Variants in LPIN2 observed in about 807,000 individuals in gnomAD.
The protein encoded by LPIN2 is lipin 2.
In LPIN2, 55 loss-of-function variants were observed where a neutral mutation model predicts 111.4. The ratio of observed to expected loss-of-function variants is 0.49; its 90% CI spans 0.40 to 0.62. The LOEUF (loss-of-function observed/expected upper bound fraction) is 0.62, where lower values mean the gene tolerates loss of function less well. LPIN2 is among the 20% of genes least tolerant of loss of function. LPIN2 has a pLI of 0.00. For missense variants in LPIN2, 992 were observed against 1,112.1 expected (o/e 0.89, Z 1.54); for synonymous variants, 425 against 414.0 (o/e 1.03, Z -0.32).
chr18:2,959,935 G>A (rs911874107), intron 2 of LPIN2, among the ~76,000 whole-genome samples: 3 of 152,146 alleles, frequency 2.0e-5, no homozygotes, highest in East Asian at 1.9e-4. Flanking sequence ...GGCCGAGGCC[G>A]AAGCCGGTGG....
intron 1 of LPIN2, chr18:2,966,878 A>C (rs1335553823): frequency 6.6e-6 from 1 of 152,200 alleles, no homozygotes; most frequent in Non-Finnish European, 1.5e-5. Context: ...ATGCCATTGC[A>C]GCTAACTTTC....
intron 1 of LPIN2, among the ~76,000 whole-genome samples, chr18:3,004,597 CA>C (rs909537570): frequency 2.0e-5 from 3 of 152,174 alleles, no homozygotes; most frequent in Admixed American, 6.5e-5. Flanking sequence ...TACACTTACT[CA>C]AATCAGGAAC....
chr18:2,928,816 A>AC (rs2077173347), intron 10 of LPIN2, among the ~76,000 whole-genome samples, 156 bp from the exon 11 acceptor site: 1 of 152,136 alleles, frequency 6.6e-6, no homozygotes, highest in South Asian at 2.1e-4. Context: ...CACATGAATA[A>AC]CCTTCGCTTC....
At chr18:2,928,444 C>T (rs1463096577) in intron 11 of LPIN2, 147 bp downstream of exon 11, 1 of 789,566 alleles carries the variant, frequency 1.3e-6, no homozygotes, top group Non-Finnish European at 2.2e-6. Flanking sequence ...TTAGTGGGTA[C>T]ATATGACTTT....
At position 2,920,372 on chromosome 18, in the gene LPIN2, G is replaced by C; in HGVS notation, c.2612C>G (p.Ala871Gly). ...FPLLSKEQNS[A>G]FPCPEFSSFC... ...GGAGCTGAACTCCGGGCAGGGAAAA[G>C]CGGAATTCTGCTCCTTACTGAGAAG... The change falls in exon 20 of 20, where the codon GCT (alanine) becomes GGT (glycine). Residue 871 changes from alanine to glycine, a missense_variant. Coordinates refer to ENST00000677752, the MANE Select transcript of LPIN2 (RefSeq NM_001375808.2). The C allele has an allele frequency of 1.2e-6, 2 of 1,614,092 alleles. No homozygotes were observed. The highest frequency in any genetic ancestry group is 2.7e-5 in the African/African-American group (2 of 75,058).
chr18:2,924,136 T>C (rs2077096365), intron 15 of LPIN2, among the ~76,000 whole-genome samples: 1 of 152,200 alleles, frequency 6.6e-6, no homozygotes, highest in South Asian at 2.1e-4. Context: ...GTCAAGGGGC[T>C]TGTTTTCATA....
In LPIN2 at chr18:2,924,392, G is replaced by C. The variant is rs757282199; in HGVS notation, c.2087+6C>G. The C allele has an allele frequency of 6.2e-7, 1 of 1,614,078 alleles. No homozygotes were observed. Among genetic ancestry groups the C allele is most frequent in the South Asian group, 1.1e-5 (1 of 91,082 alleles). ...CCTTGCCACCCACCTGAAGGATTGA[G>C]CTTACTTGGTTATTGTCCCATCAAT... On this transcript the variant is annotated splice_donor_region_variant and intron_variant, in intron 15 of 19. Coordinates refer to ENST00000677752, the MANE Select transcript of LPIN2 (RefSeq NM_001375808.2).
chr18:2,926,334 C>T (rs535713951), intron 13 of LPIN2, among the ~76,000 whole-genome samples: 1 of 152,114 alleles, frequency 6.6e-6, no homozygotes, highest in Admixed American at 6.5e-5. Flanking sequence ...GGCTGCTCAC[C>T]CTAACTGTCC....
intron 1 of LPIN2, among the ~76,000 whole-genome samples, chr18:2,971,410 G>GAGTC (rs1468977774): frequency 6.6e-6 from 1 of 151,710 alleles, no homozygotes; most frequent in Admixed American, 6.6e-5. Flanking sequence ...CTGTTGCTGT[G>GAGTC]AGTGCCCAAG....
chr18:2,951,067 G>A lies in LPIN2; in HGVS notation c.578C>T (p.Ala193Val), dbSNP rs1290039087. 2 of 1,614,084 alleles carry A rather than the reference G, an allele frequency of 1.2e-6. No homozygotes were observed. Among genetic ancestry groups the A allele is most frequent in the Non-Finnish European group, 1.7e-6 (2 of 1,180,012 alleles). ...CTGAGAGTCCTACCGTGCTGCCTGG[G>A]CCCCCTTGTCATCATCGGAGCTCAC... ...VGVSSDDDKG[A>V]QAARGSSNAS... is the part of the protein sequence containing the mutation. The change falls in exon 4 of 20, where the codon GCC becomes GTC. Residue 193 changes from alanine to valine, a missense_variant. Ala to Val is a moderately conservative substitution (Grantham distance 64). This residue lies in a region of LPIN2 where 709 missense variants were observed against 753.2 expected (regional missense o/e 0.94). Coordinates refer to ENST00000677752, the MANE Select transcript of LPIN2 (RefSeq NM_001375808.2).
Position 2,917,142 on chromosome 18 carries a change from A to G in LPIN2, c.*3151T>C, listed in dbSNP as rs1205621224. ...TGATGTTTACAATTAACTTTGGACA[A>G]CTTAAAACTTATTAGTGACATTGCT... On this transcript the variant is annotated 3_prime_UTR_variant, in exon 20 of 20. Transcript: ENST00000677752. 6.6e-6 allele frequency: 1 copy of G among 152,236 alleles called. No individual in the cohort carries two copies. The highest frequency in any genetic ancestry group is 2.4e-5 in the African/African-American group (1 of 41,456). The allele number at this position is 152,236 out of a possible 1,614,324, so 9.4% of individuals were successfully genotyped here.
At chr18:2,983,425 A>G (rs1270604754) in intron 1 of LPIN2, among the ~76,000 whole-genome samples, 1 of 152,240 alleles carries the variant, frequency 6.6e-6, no homozygotes, top group East Asian at 1.9e-4. Flanking sequence ...CATTCCTGGT[A>G]TTTCCTTGGC....
At position 2,920,220 on chromosome 18, in the gene LPIN2, A is replaced by G. The variant is rs1404526843; in HGVS notation, c.*73T>C. 2 of 1,596,086 alleles carry G rather than the reference A, an allele frequency of 1.3e-6. No homozygotes were observed. Among genetic ancestry groups the G allele is most frequent in the Non-Finnish European group, 8.6e-7 (1 of 1,165,402 alleles). On this transcript the variant is annotated 3_prime_UTR_variant, in exon 20 of 20. Transcript: ENST00000677752. ...CTGGGGAAGGCTGGTATCTGAGGTC[A>G]GCAGAAGAGCCAGCTGCCTTCCCTT...
At position 2,997,309 on chromosome 18, in the gene LPIN2, T is replaced by C. The variant is rs1471706462; in HGVS notation, c.-10+15778A>G. Among the ~76,000 whole-genome samples, 5 of 152,016 alleles carry C rather than the reference T, an allele frequency of 3.3e-5. No homozygotes were observed. The South Asian group carries it at 8.3e-4, about 25-fold the overall frequency. ...ATTTTTGTTTTTTGTTTTTTTTTAG[T>C]AGAGATGGGGTTTTACTCTGTTGGC... On this transcript the variant is annotated intron_variant, in intron 1 of 19. Coordinates refer to ENST00000677752, the MANE Select transcript of LPIN2 (RefSeq NM_001375808.2).
intron 1 of LPIN2, among the ~76,000 whole-genome samples, chr18:3,008,909 G>C (rs2078559332): frequency 6.9e-6 from 1 of 144,886 alleles, no homozygotes; most frequent in African/African-American, 2.7e-5. Flanking sequence ...GGAGAGACAG[G>C]GTCTTGCCAT....
At chr18:2,958,692 T>C (rs1006529698) in intron 2 of LPIN2, among the ~76,000 whole-genome samples, 4 of 152,204 alleles carry the variant, frequency 2.6e-5, no homozygotes, top group African/African-American at 9.7e-5. Context: ...CTGTGTCTCA[T>C]GAGTACATTC....
intron 1 of LPIN2, among the ~76,000 whole-genome samples, chr18:2,977,760 G>A (rs778844586): frequency 5.6e-4 from 85 of 152,210 alleles, no homozygotes; most frequent in Non-Finnish European, 1.1e-3. Flanking sequence ...TAATATATAA[G>A]TGAGAAATGA....
chr18:2,971,339 T>C (rs1449020713), intron 1 of LPIN2, among the ~76,000 whole-genome samples: 1 of 152,028 alleles, frequency 6.6e-6, no homozygotes, highest in Non-Finnish European at 1.5e-5. Context: ...ATCAAAAAGA[T>C]GATAGGGGAG....
chr18:2,924,125 T>G (rs2077096269), intron 15 of LPIN2, among the ~76,000 whole-genome samples: 1 of 152,186 alleles, frequency 6.6e-6, no homozygotes, highest in Admixed American at 6.5e-5. Flanking sequence ...TCCGCCCCAA[T>G]GTCAAGGGGC....
Sources: allele counts gnomAD v4.1 joint callset (sites outside exome capture counted in the v4.1 genomes callset), GRCh38; gene constraint gnomAD v4.1.1; regional missense constraint gnomAD v4.1.1; transcripts MANE v1.5; gene names NCBI Gene and HGNC (gene_info 2026-07-23, HGNC 2026-07-21).